The following MYO1D variants were observed in gnomAD, a reference collection of about 807,000 sequenced individuals.
MYO1D encodes unconventional myosin-Id.
MYO1D carries 83 observed loss-of-function variants against 122.0 expected under a neutral mutation model. The ratio of observed to expected loss-of-function variants is 0.68; its 90% CI spans 0.57 to 0.82. MYO1D has a LOEUF of 0.82. MYO1D is among the 40% of genes least tolerant of loss of function. MYO1D has a pLI of 0.00. For missense variants in MYO1D, 1,157 were observed against 1,269.5 expected (o/e 0.91, Z 1.35); for synonymous variants, 464 against 446.9 (o/e 1.04, Z -0.48).
chr17:32,533,230 A>C (rs1413008765), intron 21 of MYO1D, among the ~76,000 whole-genome samples: 1 of 152,090 alleles, frequency 6.6e-6, no homozygotes, highest in African/African-American at 2.4e-5. Flanking sequence ...TTTAATTCCA[A>C]ACCTTATATT....
intron 21 of MYO1D, among the ~76,000 whole-genome samples, chr17:32,586,951 T>C (rs1447400522): frequency 2.0e-5 from 3 of 152,220 alleles, no homozygotes; most frequent in Non-Finnish European, 2.9e-5. Flanking sequence ...AAATTCCCTC[T>C]TGATGCTTGT....
At chr17:32,779,858 T>C (rs2090217136) in intron 2 of MYO1D, among the ~76,000 whole-genome samples, 1 of 152,206 alleles carries the variant, frequency 6.6e-6, no homozygotes, top group South Asian at 2.1e-4. Context: ...CAAAATGGAA[T>C]AATGATTATA....
At chr17:32,770,093 C>A (rs564453365) in intron 6 of MYO1D, among the ~76,000 whole-genome samples, 1 of 152,288 alleles carries the variant, frequency 6.6e-6, no homozygotes, top group South Asian at 2.1e-4. Context: ...ATCCTGCTCG[C>A]TCTCAGATGA....
At chr17:32,573,700 T>C (rs902021986) in intron 21 of MYO1D, among the ~76,000 whole-genome samples, 1 of 152,146 alleles carries the variant, frequency 6.6e-6, no homozygotes, top group African/African-American at 2.4e-5. Flanking sequence ...ATTTATTTTT[T>C]ATTTTTTAGA....
At chr17:32,818,125 C>CAAAAAAAAAAAAAAAAAAAAAAAAA (rs58466009) in intron 1 of MYO1D, among the ~76,000 whole-genome samples, 40 of 45,980 alleles carry the variant, frequency 8.7e-4, no homozygotes, top group Non-Finnish European at 1.2e-3. Flanking sequence ...GACTCCGTCT[C>CAAAAAAAAAAAAAAAAAAAAAAAAA]AAAAAAAAAA....
Position 32,767,635 on chromosome 17 carries a change from C to T in MYO1D, c.831+1G>A. 1 of 1,587,452 alleles carries T rather than the reference C, an allele frequency of 6.3e-7. No individual in the cohort carries two copies. The highest frequency in any genetic ancestry group is 8.6e-7 in the Non-Finnish European group (1 of 1,157,128). On this transcript the variant is annotated splice_donor_variant, in intron 7 of 21. Transcript: ENST00000318217. LOFTEE classifies it high-confidence loss of function. ...ACATTCTGAGAGGTGTCCCTACTCA[C>T]CAAGTGCAGAATAGCAGCCAAAATC...
intron 21 of MYO1D, among the ~76,000 whole-genome samples, chr17:32,557,765 T>C (rs1402201933): frequency 6.6e-6 from 1 of 152,094 alleles, no homozygotes; most frequent in Non-Finnish European, 1.5e-5. Flanking sequence ...TCATACAGTC[T>C]GCACTGTAAC....
chr17:32,659,157 A>G lies in MYO1D; in HGVS notation c.2303T>C (p.Val768Ala). The G allele has an allele frequency of 6.2e-7, 1 of 1,614,160 alleles. No homozygotes were observed. Among genetic ancestry groups the G allele is most frequent in the Non-Finnish European group, 8.5e-7 (1 of 1,180,022 alleles). Residue 768 changes from valine (V) to alanine (A), a missense_variant, in exon 17 of 22, where the codon GTT becomes GCT. By Grantham distance (64) the Val-to-Ala change is moderately conservative. Transcript: ENST00000318217. ...CAGGGCCTCCTCAAAACGGCGAAGA[A>G]CTTTAGGAGGGCTTGGCCACTTCAC... ...KHVKWPSPPK[V>A]LRRFEEALQT...
chr17:32,681,187 C>G (rs1204493346), intron 16 of MYO1D, among the ~76,000 whole-genome samples: 2 of 151,798 alleles, frequency 1.3e-5, no homozygotes, highest in Non-Finnish European at 2.9e-5. Context: ...TTTTGTTGCT[C>G]TTTTCAAAAA....
At chr17:32,610,228 A>C (rs73278288) in intron 20 of MYO1D, among the ~76,000 whole-genome samples, 30,454 of 151,840 alleles carry the variant, frequency 0.2, 3,543 homozygotes, top group African/African-American at 0.31. Context: ...TCTCGGCCAC[A>C]ACCCCCTCTC....
At chr17:32,752,913 C>T (rs1483252283) in intron 11 of MYO1D, among the ~76,000 whole-genome samples, 1 of 152,068 alleles carries the variant, frequency 6.6e-6, no homozygotes, top group East Asian at 1.9e-4. Flanking sequence ...AATAGAACTA[C>T]CATTTGATCT....
At chr17:32,754,134 G>A (rs530633275) in intron 11 of MYO1D, among the ~76,000 whole-genome samples, 45 of 152,268 alleles carry the variant, frequency 3.0e-4, no homozygotes, top group South Asian at 2.1e-3. Flanking sequence ...GGTAGGCACC[G>A]TGCTAAGTGA....
rs557778998 is a variant in MYO1D at position 32,542,188 on chromosome 17, G to A, written c.2865-47273C>T. ...TCAGTGACTTGCACAGTGAAAAAGA[G>A]TAAGAAATCGAAGTGCCAAATAACC... On this transcript the variant is annotated intron_variant, in intron 21 of 21. Coordinates refer to ENST00000318217, the MANE Select transcript of MYO1D (RefSeq NM_015194.3). Among the ~76,000 whole-genome samples, 4 of 152,302 alleles carry A rather than the reference G, an allele frequency of 2.6e-5. No individual in the cohort carries two copies. The East Asian group carries it at 7.7e-4, about 29-fold the overall frequency.
At chr17:32,563,153 A>G (rs2087140801) in intron 21 of MYO1D, among the ~76,000 whole-genome samples, 1 of 146,360 alleles carries the variant, frequency 6.8e-6, no homozygotes, top group African/African-American at 2.5e-5. Flanking sequence ...AACTATTTAT[A>G]TATGTTGTTA....
intron 1 of MYO1D, among the ~76,000 whole-genome samples, chr17:32,828,502 C>A (rs1383873065): frequency 1.8e-5 from 2 of 114,036 alleles, no homozygotes; most frequent in African/African-American, 7.0e-5. Context: ...GACGACAGAG[C>A]GAGACTCCGT....
chr17:32,511,669 C>T (rs1310299431), intron 21 of MYO1D, among the ~76,000 whole-genome samples: 4 of 150,954 alleles, frequency 2.6e-5, no homozygotes, highest in Admixed American at 2.6e-4. Flanking sequence ...TCTCTTGACA[C>T]TTCTATTAAC....
chr17:32,587,758 G>T (rs542749617), intron 21 of MYO1D, among the ~76,000 whole-genome samples: 1 of 152,046 alleles, frequency 6.6e-6, no homozygotes, highest in Non-Finnish European at 1.5e-5. Context: ...CCCTCCCTCT[G>T]CTCTTCAGCC....
In MYO1D at chr17:32,712,319, T is replaced by C. The variant is rs2089388756; in HGVS notation, c.1914-124A>G. On this transcript the variant is annotated intron_variant, in intron 15 of 21. Coordinates refer to ENST00000318217, the MANE Select transcript of MYO1D (RefSeq NM_015194.3). ...ATCTTAGCAAACTATCAATAGAATT[T>C]CATTAGCCTCATAAGGTATGCAAAA... is the stretch of plus-strand genomic sequence containing the variant. 4 of 821,558 alleles carry C rather than the reference T, an allele frequency of 4.9e-6. No individual in the cohort carries two copies. The South Asian group carries it at 6.8e-5, about 14-fold the overall frequency. The allele number at this position is 821,558 out of a possible 1,614,324, so 50.9% of individuals were successfully genotyped here.
chr17:32,546,351 G>A (rs962533852), intron 21 of MYO1D, among the ~76,000 whole-genome samples: 3 of 152,188 alleles, frequency 2.0e-5, no homozygotes, highest in African/African-American at 4.8e-5. Context: ...ATCCCTCTGC[G>A]AGGAGCTCTG....
Sources: allele counts gnomAD v4.1 joint callset (sites outside exome capture counted in the v4.1 genomes callset), GRCh38; gene constraint gnomAD v4.1.1; transcripts MANE v1.5; gene names NCBI Gene and HGNC (gene_info 2026-07-23, HGNC 2026-07-21).